SGCE: variants seen among roughly 807,000 people sequenced by gnomAD.
The protein encoded by SGCE is epsilon-sarcoglycan.
In SGCE, 26 loss-of-function variants were observed where a neutral mutation model predicts 57.8. The ratio of observed to expected loss-of-function variants is 0.45; its 90% CI spans 0.33 to 0.62. The LOEUF is 0.62. SGCE is among the 20% of genes least tolerant of loss of function. SGCE has a pLI of 0.02. For missense variants in SGCE, 468 were observed against 548.6 expected (o/e 0.85, Z 1.47); for synonymous variants, 183 against 189.5 (o/e 0.97, Z 0.28).
intron 4 of SGCE, among the ~76,000 whole-genome samples, chr7:94,623,077 T>C (rs771376089): frequency 6.6e-6 from 1 of 152,130 alleles, no homozygotes; most frequent in Non-Finnish European, 1.5e-5. Context: ...TTTAAGGTAA[T>C]GAAAAAGGCT....
chr7:94,608,161 T>G (rs913594133), intron 5 of SGCE, among the ~76,000 whole-genome samples: 1 of 151,996 alleles, frequency 6.6e-6, no homozygotes, highest in Admixed American at 6.6e-5. Flanking sequence ...CTGGCCAACA[T>G]GACAAAACCA....
intron 1 of SGCE, among the ~76,000 whole-genome samples, chr7:94,633,063 A>G (rs1804964534): frequency 6.6e-6 from 1 of 152,056 alleles, no homozygotes; most frequent in African/African-American, 2.4e-5. Flanking sequence ...TCTGAAATAT[A>G]CATGTGTACA....
At chr7:94,641,762 A>G (rs1410110227) in intron 1 of SGCE, among the ~76,000 whole-genome samples, 1 of 152,018 alleles carries the variant, frequency 6.6e-6, no homozygotes, top group Non-Finnish European at 1.5e-5. Flanking sequence ...CTTCAAAATG[A>G]GAAAAGAATA....
chr7:94,632,003 G>A (rs1273593222), intron 1 of SGCE, among the ~76,000 whole-genome samples: 1 of 151,970 alleles, frequency 6.6e-6, no homozygotes. Context: ...TTGTATCAAT[G>A]CCTATGGAAT....
chr7:94,588,060 C>A, intron 10 of SGCE: 1 of 1,342,814 alleles, frequency 7.4e-7, no homozygotes, highest in Non-Finnish European at 9.5e-7. Flanking sequence ...AATTAGAAGA[C>A]AATCATGAAT....
chr7:94,593,967 C>T (rs1798041481), intron 9 of SGCE, among the ~76,000 whole-genome samples: 1 of 152,070 alleles, frequency 6.6e-6, no homozygotes, highest in Non-Finnish European at 1.5e-5. Context: ...TTCCACCAGA[C>T]TCCAAATTCC....
At chr7:94,614,106 TC>T (rs1411707005) in intron 5 of SGCE, among the ~76,000 whole-genome samples, 7,306 of 55,184 alleles carry the variant, frequency 0.13, 229 homozygotes, top group Non-Finnish European at 0.16. Context: ...CAAATTGAAA[TC>T]AAAAAAAAAA....
intron 5 of SGCE, chr7:94,617,046 CAGTT>C (rs1461524635): frequency 6.6e-6 from 1 of 152,144 alleles, no homozygotes; most frequent in Non-Finnish European, 1.5e-5. Flanking sequence ...GGGGGTCAGT[CAGTT>C]AGTGATTGAA....
chr7:94,607,510 C>A (rs1359917520), intron 5 of SGCE, among the ~76,000 whole-genome samples: 1 of 152,124 alleles, frequency 6.6e-6, no homozygotes, highest in Non-Finnish European at 1.5e-5. Flanking sequence ...ATCCAAAAAT[C>A]AGTTAATATC....
intron 5 of SGCE, among the ~76,000 whole-genome samples, chr7:94,616,433 T>C (rs1419183017): frequency 6.6e-6 from 1 of 152,204 alleles, no homozygotes; most frequent in African/African-American, 2.4e-5. Flanking sequence ...TTCTGAAGTG[T>C]ATGAATATAT....
chr7:94,586,061 GA>G (rs780812386), intron 10 of SGCE, among the ~76,000 whole-genome samples: 1,761 of 28,872 alleles, frequency 0.061, 14 homozygotes, highest in Admixed American at 0.11. Context: ...GGAACTAAAT[GA>G]AAAAAAAAAA....
At chr7:94,600,443 G>T (rs1799029772) in intron 7 of SGCE, 1 of 543,180 alleles carries the variant, frequency 1.8e-6, no homozygotes, top group African/African-American at 1.9e-5. Context: ...TTTGAATAAA[G>T]TAATTATATC....
intron 10 of SGCE, chr7:94,587,091 T>G (rs1363881802): frequency 2.0e-6 from 2 of 984,804 alleles, no homozygotes; most frequent in African/African-American, 1.7e-5. Flanking sequence ...CTAAAATCTG[T>G]TTCAGAAAAA....
rs147492261 is a variant in SGCE, at chr7:94,627,358, T to C, written c.390+844A>G. The C allele has an allele frequency of 3.3e-5, 5 of 152,148 alleles. No homozygotes were observed. The East Asian group carries it at 9.7e-4, about 29-fold the overall frequency. 9.4% of individuals were successfully genotyped at this position (152,148 alleles called of 1,614,324 possible). A position where few individuals can be genotyped will look rare whatever the true frequency, so the allele number is the denominator to read the frequency against. ...GTTTTGTTGTTGTTAATTTCTAGTA[T>C]CTCCCAGCTACAATGCTAGGTGCTG... On this transcript the variant is annotated intron_variant, in intron 3 of 10. Coordinates refer to ENST00000648936, the MANE Select transcript of SGCE (RefSeq NM_003919.3).
chr7:94,646,888 G>A (rs1807167553), intron 1 of SGCE, among the ~76,000 whole-genome samples: 1 of 152,016 alleles, frequency 6.6e-6, no homozygotes, highest in Non-Finnish European at 1.5e-5. Context: ...CTTTCCAATA[G>A]TATAACCAGG....
chr7:94,599,283 GC>G (rs1459427799), intron 8 of SGCE: 6 of 290,954 alleles, frequency 2.1e-5, no homozygotes, highest in African/African-American at 1.3e-4. Context: ...AACTACCATA[GC>G]TTTTATATTT....
chr7:94,593,947 T>C (rs892098335), intron 9 of SGCE, among the ~76,000 whole-genome samples: 7 of 152,040 alleles, frequency 4.6e-5, no homozygotes, highest in African/African-American at 1.7e-4. Context: ...AGCTCTACCA[T>C]AACATACACT....
chr7:94,603,507 A>C, intron 5 of SGCE, 55 bp from the exon 6 acceptor site: 3 of 1,526,670 alleles, frequency 2.0e-6, no homozygotes, highest in Non-Finnish European at 2.7e-6. Context: ...AAACACTAAA[A>C]AACAATCCAC....
chr7:94,587,861 C>A, intron 10 of SGCE: 1 of 1,522,976 alleles, frequency 6.6e-7, no homozygotes, highest in Non-Finnish European at 8.8e-7. Flanking sequence ...TGAATGAAAA[C>A]ATCCAACACA....
Sources: gnomAD v4.1 joint callset for allele counts (sites outside exome capture counted in the v4.1 genomes callset) on GRCh38, gnomAD v4.1.1 for gene constraint, MANE v1.5 for transcripts, NCBI Gene and HGNC (gene_info 2026-07-23, HGNC 2026-07-21) for gene names.